CUL4B: variants seen among roughly 807,000 people sequenced by gnomAD.
The protein encoded by CUL4B is cullin 4B, also known as cullin-4B.
CUL4B carries 1 observed loss-of-function variant against 69.2 expected under a neutral mutation model. The observed-to-expected ratio is 0.01, with a 90% CI of 0.01 to 0.07. The LOEUF (loss-of-function observed/expected upper bound fraction) is 0.07. CUL4B is among the 10% of genes least tolerant of loss of function. CUL4B has a pLI of 1.00. For missense variants in CUL4B, 328 were observed against 638.8 expected (o/e 0.51, Z 5.24); for synonymous variants, 237 against 223.2 (o/e 1.06, Z -0.55).
Position 120,545,431 on chromosome X carries a change from C to A in CUL4B, c.920+13G>T. Reference sequence around the variant, plus strand: ...TTTGGAACAATCTTTTCATATTTTTCTGGCATCCTTACCAAATGGAGGGTA... The same window carrying A: ...TTTGGAACAATCTTTTCATATTTTTATGGCATCCTTACCAAATGGAGGGTA... On this transcript the variant is annotated intron_variant, in intron 5 of 19. Coordinates refer to ENST00000371322, the MANE Select transcript of CUL4B (RefSeq NM_001079872.2). The A allele has an allele frequency of 8.9e-7, 1 of 1,120,843 alleles. No homozygotes were observed. The highest frequency in any genetic ancestry group is 1.2e-6 in the Non-Finnish European group (1 of 822,305). 92.4% of individuals were successfully genotyped at this position (1,120,843 alleles called of 1,213,427 possible). A position where few individuals can be genotyped will look rare whatever the true frequency, so the allele number is the denominator to read the frequency against.
At position 120,544,414 on chromosome X, in the gene CUL4B, T is replaced by C. The variant is rs1924194199; in HGVS notation, c.1083+67A>G. On this transcript the variant is annotated intron_variant, in intron 6 of 19. Coordinates refer to ENST00000371322, the MANE Select transcript of CUL4B (RefSeq NM_001079872.2). ...TTATGACATCAGCACATTACCTGTC[T>C]GATGTGGGGGGAAAAAAAACTAGGA... 4 of 1,105,534 alleles carry C rather than the reference T, an allele frequency of 3.6e-6. No homozygotes were observed. In the Admixed American group the frequency reaches 8.7e-5, roughly 24 times the overall value. 91.1% of individuals were successfully genotyped at this position (1,105,534 alleles called of 1,213,427 possible). A position where few individuals can be genotyped will look rare whatever the true frequency, so the allele number is the denominator to read the frequency against.
At chrX:120,531,306 G>GTGAGACTCCAGCCTGGGTGACAGAA (rs1923298774) in intron 18 of CUL4B, among the ~76,000 whole-genome samples, 1 of 107,248 alleles carries the variant, frequency 9.3e-6, no homozygotes, top group African/African-American at 3.4e-5. Context: ...GGGTGACAGA[G>GTGAGACTCCAGCCTGGGTGACAGAA]TGAGACTCCA....
Position 120,560,424 on chromosome X carries a change from G to A in CUL4B, c.215C>T (p.Pro72Leu). 1.7e-6 allele frequency: 2 copies of A among 1,210,280 alleles called. No individual in the cohort carries two copies. The highest frequency in any genetic ancestry group is 1.1e-6 in the Non-Finnish European group (1 of 894,516). The change falls in exon 1 of 20, where the codon CCC (proline) becomes CTC (leucine). Residue 72 changes from proline (P) to leucine (L), a missense_variant. By Grantham distance (98) the Pro-to-Leu change is moderately conservative. Around this residue, in one of 4 missense-constraint regions of CUL4B, gnomAD observed 102 missense variants for 122.1 expected, o/e 0.84. Coordinates refer to ENST00000371322, the MANE Select transcript of CUL4B (RefSeq NM_001079872.2). The stretch of plus-strand genomic sequence containing the variant: ...GGTTGAAGGGGATGCCGAATCCCTG[G>A]GTTGTAAAGGAGGAGTGGAAGAGGA... ...SSSSSTPPLQ[P>L]RDSASPSTSS...
chrX:120,546,882 C>T (rs1265105869), intron 3 of CUL4B, among the ~76,000 whole-genome samples: 1 of 111,652 alleles, frequency 9.0e-6, no homozygotes, highest in East Asian at 2.8e-4. Flanking sequence ...ATTATTTTTC[C>T]TCAAGTGGAA....
At chrX:120,534,057 T>C (rs1445528740) in intron 17 of CUL4B, among the ~76,000 whole-genome samples, 5 of 106,509 alleles carry the variant, frequency 4.7e-5, no homozygotes, top group Non-Finnish European at 3.9e-5. Context: ...CAGAGCAAGA[T>C]TCCGTCTTGA....
intron 16 of CUL4B, among the ~76,000 whole-genome samples, chrX:120,535,100 CA>C (rs1923575740): frequency 9.0e-6 from 1 of 111,123 alleles, no homozygotes; most frequent in South Asian, 3.8e-4. Flanking sequence ...GAAGCGGAGG[CA>C]GGGGGATAGC....
chrX:120,531,365 T>C (rs1923303909), intron 18 of CUL4B, among the ~76,000 whole-genome samples: 1 of 109,518 alleles, frequency 9.1e-6, no homozygotes, highest in African/African-American at 3.3e-5. Context: ...TAAACCTTAT[T>C]GGAACTGAAA....
intron 16 of CUL4B, 142 bp downstream of exon 16, chrX:120,535,688 G>C: frequency 2.5e-6 from 1 of 393,274 alleles, no homozygotes; most frequent in South Asian, 3.5e-5. Context: ...TCTGGTGACA[G>C]AGTGAGACTC....
intron 1 of CUL4B, chrX:120,559,848 G>A (rs1602590058): frequency 8.8e-7 from 1 of 1,138,188 alleles, no homozygotes; most frequent in Non-Finnish European, 1.2e-6. Context: ...ACAATAGGTT[G>A]AAAAAGACCT....
Position 120,560,958 on chromosome X carries a change from A to T in CUL4B, c.-320T>A. The stretch of plus-strand genomic sequence containing the variant: ...CCCTTTCTGCAGGAGCGACTCAGCG[A>T]GTCTGTGAGGCTGCAGCTCCTCCTC... On this transcript the variant is annotated 5_prime_UTR_variant, in exon 1 of 20. Coordinates refer to ENST00000371322, the MANE Select transcript of CUL4B (RefSeq NM_001079872.2). 1 of 752,265 alleles carries T rather than the reference A, an allele frequency of 1.3e-6. No homozygotes were observed. Among genetic ancestry groups the T allele is most frequent in the Non-Finnish European group, 1.6e-6 (1 of 638,631 alleles). The allele number at this position is 752,265 out of a possible 1,213,427, so 62.0% of individuals were successfully genotyped here.
chrX:120,571,260 G>A (rs938512380), exon 3 of CUL4B: 2 of 110,599 alleles, frequency 1.8e-5, no homozygotes, highest in Non-Finnish European at 3.8e-5. Context: ...TACACAAGTC[G>A]CCATAGTGTT....
chrX:120,556,313 G>A (rs141125777), intron 2 of CUL4B, among the ~76,000 whole-genome samples: 24 of 111,676 alleles, frequency 2.1e-4, no homozygotes, highest in African/African-American at 6.5e-4. Context: ...AGTATTTTGC[G>A]TGTACTAATT....
intron 9 of CUL4B, among the ~76,000 whole-genome samples, chrX:120,542,351 A>G (rs772046661): frequency 8.9e-6 from 1 of 111,822 alleles, no homozygotes; most frequent in African/African-American, 3.2e-5. Flanking sequence ...AGGATGAAAT[A>G]ACAGTATAAC....
chrX:120,573,880 A>G (rs979883006), intron 2 of CUL4B, among the ~76,000 whole-genome samples: 10 of 109,974 alleles, frequency 9.1e-5, no homozygotes, highest in African/African-American at 3.3e-4. Flanking sequence ...CTGGAGTGCA[A>G]TGGCACAATC....
chrX:120,541,272 G>GGT (rs1923973728), intron 10 of CUL4B, among the ~76,000 whole-genome samples: 1 of 112,243 alleles, frequency 8.9e-6, no homozygotes, highest in Non-Finnish European at 1.9e-5. Context: ...GGCCAAGGCG[G>GGT]GTGGATCATT....
At chrX:120,552,905 T>G in intron 2 of CUL4B, among the ~76,000 whole-genome samples, 1 of 112,036 alleles carries the variant, frequency 8.9e-6, no homozygotes. Flanking sequence ...TATCTCTCTT[T>G]TTATGTCAAG....
At chrX:120,571,907 C>G (rs751150824) in exon 3 of CUL4B, 1 of 110,015 alleles carries the variant, frequency 9.1e-6, no homozygotes, top group African/African-American at 3.3e-5. Flanking sequence ...GAATATGCAC[C>G]GATTTTGGTA....
intron 19 of CUL4B, among the ~76,000 whole-genome samples, chrX:120,528,855 C>T (rs1328488271): frequency 1.8e-5 from 2 of 112,154 alleles, no homozygotes; most frequent in African/African-American, 6.5e-5. Context: ...AAGCTTGTAG[C>T]TTTATCTTCA....
At chrX:120,548,024 T>TTA (rs1390024595) in intron 2 of CUL4B, among the ~76,000 whole-genome samples, 5 of 110,402 alleles carry the variant, frequency 4.5e-5, no homozygotes, top group East Asian at 2.8e-4. Flanking sequence ...AAACTCCCCT[T>TTA]TATATATATC....
Sources: gnomAD v4.1 joint callset for allele counts (sites outside exome capture counted in the v4.1 genomes callset) on GRCh38, gnomAD v4.1.1 for gene constraint, gnomAD v4.1.1 regional missense constraint, MANE v1.5 for transcripts, NCBI Gene and HGNC (gene_info 2026-07-23, HGNC 2026-07-21) for gene names.